LEF1: variants seen among roughly 807,000 people sequenced by gnomAD.
The protein encoded by LEF1 is lymphoid enhancer-binding factor 1.
In LEF1, 14 loss-of-function variants were observed where a neutral mutation model predicts 51.2. The observed-to-expected ratio is 0.27, with a 90% CI of 0.18 to 0.43. LEF1 has a LOEUF of 0.43. Ranked by LOEUF, LEF1 falls within the 20% of genes least tolerant of loss-of-function variation. LEF1 has a pLI of 1.00. For synonymous variants in LEF1, 185 were observed against 183.2 expected (o/e 1.01, Z -0.08); for missense variants, 386 against 512.0 (o/e 0.75, Z 2.37).
intron 11 of LEF1, among the ~76,000 whole-genome samples, chr4:108,056,554 C>T (rs1737314486): frequency 6.6e-6 from 1 of 152,214 alleles, no homozygotes; most frequent in African/African-American, 2.4e-5. Flanking sequence ...TGTCATTATG[C>T]TGCCATTGCT....
intron 3 of LEF1, among the ~76,000 whole-genome samples, chr4:108,106,715 T>C (rs888223520): frequency 1.3e-5 from 2 of 152,148 alleles, no homozygotes; most frequent in Non-Finnish European, 2.9e-5. Flanking sequence ...AGACTACCTA[T>C]CCTGGATGAG....
In LEF1 at chr4:108,167,491, C is replaced by G; in HGVS notation, c.213+64G>C. 1 of 1,560,006 alleles carries G rather than the reference C, an allele frequency of 6.4e-7. No individual in the cohort carries two copies. The highest frequency in any genetic ancestry group is 1.7e-5 in the Admixed American group (1 of 58,842). On this transcript the variant is annotated intron_variant, in intron 1 of 11. Transcript: ENST00000265165. This position sits in a 1 kb window ranked among gnomAD's most constrained non-coding sequence, Gnocchi z 5.7. ...GCGGCCGGGCGCCTTCGTTCCCTTCCTCCCTCTCTGAGTTTCCCAGGGACC... is the reference window on the plus strand; with the variant it reads ...GCGGCCGGGCGCCTTCGTTCCCTTCGTCCCTCTCTGAGTTTCCCAGGGACC...
At chr4:108,118,716 G>T (rs1482286582) in intron 3 of LEF1, among the ~76,000 whole-genome samples, 1 of 152,062 alleles carries the variant, frequency 6.6e-6, no homozygotes, top group Admixed American at 6.6e-5. Context: ...TAAACAAACA[G>T]CTGTGGCAGG....
chr4:108,128,135 G>C (rs555203022), intron 3 of LEF1, among the ~76,000 whole-genome samples: 1 of 152,142 alleles, frequency 6.6e-6, no homozygotes, highest in East Asian at 1.9e-4. Context: ...ATTCTCAGGA[G>C]AGAATGGCAG....
chr4:108,166,151 T>C, intron 1 of LEF1: 3 of 921,786 alleles, frequency 3.3e-6, no homozygotes, highest in Non-Finnish European at 4.6e-6. Flanking sequence ...CACAAATCTT[T>C]TACGCGGGGT....
At chr4:108,165,198 A>C (rs1305652507) in intron 1 of LEF1, 35 bp from the exon 2 acceptor site, 1 of 1,593,658 alleles carries the variant, frequency 6.3e-7, no homozygotes, top group African/African-American at 1.3e-5. Flanking sequence ...AAAAGAAAGA[A>C]AATCACCTTA....
chr4:108,102,169 G>A (rs187021098), intron 3 of LEF1, among the ~76,000 whole-genome samples: 43 of 152,196 alleles, frequency 2.8e-4, no homozygotes, highest in Admixed American at 2.6e-3. Flanking sequence ...TGGTTTAATG[G>A]CAACGTGCAC....
At chr4:108,157,134 T>C (rs553607590) in intron 3 of LEF1, among the ~76,000 whole-genome samples, 3 of 151,052 alleles carry the variant, frequency 2.0e-5, no homozygotes, top group Non-Finnish European at 3.0e-5. Flanking sequence ...CCCTAACTTA[T>C]ATCTACCTCT....
rs988752336 is a variant in LEF1, at chr4:108,118,429, G to A, written c.415-29172C>T. The stretch of plus-strand genomic sequence containing the variant: ...TGAGTGCGAAACTTAGGCTTAATGC[G>A]AACTGTGAATTGTCATGCTATAGTT... On this transcript the variant is annotated intron_variant, in intron 3 of 11. Transcript: ENST00000265165. Among the ~76,000 whole-genome samples, 3 of 152,148 alleles carry A rather than the reference G, an allele frequency of 2.0e-5. No homozygotes were observed. The East Asian group carries it at 5.8e-4, about 29-fold the overall frequency.
intron 2 of LEF1, among the ~76,000 whole-genome samples, chr4:108,164,895 C>G (rs113130654): frequency 2.6e-4 from 40 of 152,168 alleles, no homozygotes; most frequent in Non-Finnish European, 5.3e-4. Context: ...GGGTCCCTAA[C>G]TCATTCAAAA....
chr4:108,150,857 T>C (rs1744322230), intron 3 of LEF1, among the ~76,000 whole-genome samples: 1 of 152,350 alleles, frequency 6.6e-6, no homozygotes, highest in Admixed American at 6.5e-5. Context: ...AAATATTACA[T>C]GCTAGTATAT....
In LEF1 at chr4:108,147,239, G is replaced by A. The variant is rs146834950; in HGVS notation, c.414+16329C>T. ...GTCAGTATTTTTTCCTCTACCACGA[G>A]ATTAGCAACAATAGAAGCCTAAAAA... On this transcript the variant is annotated intron_variant, in intron 3 of 11. Coordinates refer to ENST00000265165, the MANE Select transcript of LEF1 (RefSeq NM_016269.5). Among the ~76,000 whole-genome samples, 173 of 151,768 alleles carry A rather than the reference G, an allele frequency of 1.1e-3. 3 individuals carry two copies. In the East Asian group the frequency reaches 0.03, roughly 26 times the overall value.
At chr4:108,138,566 A>G (rs1472034669) in intron 3 of LEF1, among the ~76,000 whole-genome samples, 3 of 152,190 alleles carry the variant, frequency 2.0e-5, no homozygotes, top group Non-Finnish European at 4.4e-5. Context: ...ATACATTTCT[A>G]CACAAAGGGG....
At chr4:108,099,510 A>G (rs1740608699) in intron 3 of LEF1, among the ~76,000 whole-genome samples, 1 of 119,820 alleles carries the variant, frequency 8.3e-6, no homozygotes, top group Non-Finnish European at 1.9e-5. Flanking sequence ...GTATATATAT[A>G]TGTGTATGTA....
chr4:108,102,710 C>T (rs1451546641), intron 3 of LEF1, among the ~76,000 whole-genome samples: 2 of 152,156 alleles, frequency 1.3e-5, no homozygotes, highest in African/African-American at 2.4e-5. Flanking sequence ...AATAAGAGTC[C>T]TGTCTTATTC....
chr4:108,166,917 C>A (rs1321362180), intron 1 of LEF1: 4 of 700,054 alleles, frequency 5.7e-6, no homozygotes, highest in Middle Eastern at 7.3e-4. Context: ...GCTGCTAGCC[C>A]AGGCGCTGGG....
intron 9 of LEF1, among the ~76,000 whole-genome samples, chr4:108,064,959 C>T (rs1036408014): frequency 1.6e-4 from 25 of 152,038 alleles, no homozygotes; most frequent in Admixed American, 4.6e-4. Flanking sequence ...GGCACAGAAA[C>T]GACAAAACCA....
chr4:108,077,176 A>T (rs953938093), intron 8 of LEF1, among the ~76,000 whole-genome samples: 2 of 143,858 alleles, frequency 1.4e-5, no homozygotes, highest in Admixed American at 1.4e-4. Context: ...ACATCTCTAC[A>T]AAATTTTTTT....
At chr4:108,110,452 G>C (rs1741456153) in intron 3 of LEF1, among the ~76,000 whole-genome samples, 1 of 152,124 alleles carries the variant, frequency 6.6e-6, no homozygotes, top group Non-Finnish European at 1.5e-5. Context: ...GATTGCAATT[G>C]TCTTTGAGAT....
Sources: allele counts gnomAD v4.1 joint callset (sites outside exome capture counted in the v4.1 genomes callset), GRCh38; gene constraint gnomAD v4.1.1; non-coding constraint Gnocchi (gnomAD v3.1); transcripts MANE v1.5; gene names NCBI Gene and HGNC (gene_info 2026-07-23, HGNC 2026-07-21).